Variants in PTPRM observed in about 807,000 individuals in gnomAD.
The protein encoded by PTPRM is protein tyrosine phosphatase receptor type M, also known as receptor-type tyrosine-protein phosphatase mu.
Under a neutral mutation model 186.7 loss-of-function variants are expected in PTPRM, and 47 were observed. The ratio of observed to expected loss-of-function variants is 0.25; its 90% CI spans 0.20 to 0.32. The LOEUF is 0.32. Among genes scored for constraint, PTPRM ranks in the 10% least tolerant of loss-of-function variants. The pLI, the probability that PTPRM is intolerant of heterozygous loss-of-function variation, is 1.00. For synonymous variants in PTPRM, 668 were observed against 674.9 expected, an observed-to-expected ratio of 0.99 and a Z score of 0.16; for missense variants, 1,494 against 1,865.0, an observed-to-expected ratio of 0.80 and a Z score of 3.66.
chr18:8,058,112 C>A (rs1014682081), intron 7 of PTPRM, among the ~76,000 whole-genome samples: 2,755 of 129,692 alleles, frequency 0.021, 150 homozygotes, highest in African/African-American at 0.082. Flanking sequence ...CTCTCCAGCA[C>A]CTGTTGTGTC....
intron 5 of PTPRM, among the ~76,000 whole-genome samples, chr18:7,943,854 C>G (rs2052352704): frequency 6.6e-6 from 1 of 152,144 alleles, no homozygotes; most frequent in Admixed American, 6.6e-5. Flanking sequence ...CATCTCTAGA[C>G]CCTTATTTTA....
chr18:7,655,670 C>T (rs756425619), intron 1 of PTPRM, among the ~76,000 whole-genome samples: 2 of 152,138 alleles, frequency 1.3e-5, no homozygotes, highest in Non-Finnish European at 2.9e-5. Context: ...ACTGGATAAA[C>T]TGGTACATTG....
At chr18:7,831,249 C>G (rs1027235123) in intron 2 of PTPRM, among the ~76,000 whole-genome samples, 9 of 152,068 alleles carry the variant, frequency 5.9e-5, no homozygotes, top group African/African-American at 1.4e-4. Flanking sequence ...TGAAATAAAT[C>G]TCTTGGGGAG....
chr18:7,933,821 T>A (rs777438784), intron 5 of PTPRM, among the ~76,000 whole-genome samples: 4 of 152,194 alleles, frequency 2.6e-5, no homozygotes, highest in Admixed American at 1.3e-4. Flanking sequence ...GAGCAATTCA[T>A]AGAATGTAGT....
Position 8,379,060 on chromosome 18 carries a change from C to T in PTPRM, c.3613-107C>T. On this transcript the variant is annotated intron_variant, in intron 27 of 32. Coordinates refer to ENST00000580170, the MANE Select transcript of PTPRM (RefSeq NM_001105244.2). Reference sequence around the variant, plus strand: ...GGGTTGGGGAGGGAGGGGGAAGGGACCGTCTTGCAGTCAGCCACAGGAAGT... The same window carrying T: ...GGGTTGGGGAGGGAGGGGGAAGGGATCGTCTTGCAGTCAGCCACAGGAAGT... 4.6e-6 allele frequency: 4 copies of T among 865,884 alleles called. 1 individual carries two copies. The Middle Eastern group carries it at 1.3e-3, about 280-fold the overall frequency. The allele number at this position is 865,884 out of a possible 1,614,324, so 53.6% of individuals were successfully genotyped here. A position where few individuals can be genotyped will look rare whatever the true frequency, so the allele number is the denominator to read the frequency against.
chr18:7,789,230 C>A (rs1000350991), intron 2 of PTPRM, among the ~76,000 whole-genome samples: 2 of 152,090 alleles, frequency 1.3e-5, no homozygotes, highest in African/African-American at 4.8e-5. Flanking sequence ...GAGGCTGAGG[C>A]AGGAGGATTG....
rs77991074 is a variant in PTPRM at position 7,821,321 on chromosome 18, C to T, written c.196+47050C>T. Among the ~76,000 whole-genome samples the T allele has an allele frequency of 2.9e-3, 435 of 152,258 alleles. 2 individuals carry two copies. The highest frequency in any genetic ancestry group is 1.0e-2 in the African/African-American group (414 of 41,544). ...CAGGGACAGTTGCTTTTCAGTCCCT[C>T]TCCAGTTAGAATCTAGAGAAATATC... On this transcript the variant is annotated intron_variant, in intron 2 of 32. Coordinates refer to ENST00000580170, the MANE Select transcript of PTPRM (RefSeq NM_001105244.2).
Position 7,848,131 on chromosome 18 carries a change from C to T in PTPRM, c.197-39975C>T, listed in dbSNP as rs567630175. ...CCTCCTTTTATCTGGGTTGGTCTCC[C>T]CCTTCACTGTCCTCCCCACCAGACT... is the stretch of plus-strand genomic sequence containing the variant. On this transcript the variant is annotated intron_variant, in intron 2 of 32. Coordinates refer to ENST00000580170, the MANE Select transcript of PTPRM (RefSeq NM_001105244.2). 3.3e-5 allele frequency among the ~76,000 whole-genome samples: 5 copies of T among 152,292 alleles called. No individual in the cohort carries two copies. In the East Asian group the frequency reaches 9.7e-4, roughly 29 times the overall value.
At chr18:7,845,442 A>G (rs2046545774) in intron 2 of PTPRM, among the ~76,000 whole-genome samples, 1 of 152,114 alleles carries the variant, frequency 6.6e-6, no homozygotes, top group Non-Finnish European at 1.5e-5. Context: ...GTGTAACCAT[A>G]CTAGTAATAA....
chr18:8,030,580 A>G (rs1018997208), intron 7 of PTPRM, among the ~76,000 whole-genome samples: 32 of 152,262 alleles, frequency 2.1e-4, no homozygotes, highest in Non-Finnish European at 1.0e-4. Context: ...TTTTAGTATA[A>G]TACATTTTGA....
chr18:8,289,386 CAT>C (rs2094996041), intron 19 of PTPRM, among the ~76,000 whole-genome samples: 1 of 140,374 alleles, frequency 7.1e-6, no homozygotes, highest in Non-Finnish European at 1.5e-5. Flanking sequence ...GGCATGAAAA[CAT>C]TGTGTGTGTG....
intron 1 of PTPRM, among the ~76,000 whole-genome samples, chr18:7,577,053 A>G (rs2143431532): frequency 6.6e-6 from 1 of 152,348 alleles, no homozygotes; most frequent in South Asian, 2.1e-4. Flanking sequence ...TGGAGAAGAA[A>G]AAAATCAAAT....
chr18:8,071,668 C>G (rs2089485235), intron 8 of PTPRM, among the ~76,000 whole-genome samples: 1 of 152,182 alleles, frequency 6.6e-6, no homozygotes. Flanking sequence ...TGTGCCTGCT[C>G]TGTGCATCCT....
At chr18:7,587,734 AT>A (rs1352650119) in intron 1 of PTPRM, among the ~76,000 whole-genome samples, 4 of 152,136 alleles carry the variant, frequency 2.6e-5, no homozygotes, top group Non-Finnish European at 4.4e-5. Context: ...ATATATTTAT[AT>A]AAATAAATAC....
At chr18:7,647,770 C>T (rs574800234) in intron 1 of PTPRM, among the ~76,000 whole-genome samples, 11 of 152,294 alleles carry the variant, frequency 7.2e-5, no homozygotes, top group East Asian at 3.9e-4. Flanking sequence ...CATTACAGTG[C>T]ATCAGAATCA....
At chr18:7,721,417 G>C (rs2040445551) in intron 1 of PTPRM, among the ~76,000 whole-genome samples, 1 of 151,540 alleles carries the variant, frequency 6.6e-6, no homozygotes, top group South Asian at 2.1e-4. Context: ...TCATTCTATG[G>C]GTTGCCTTTT....
chr18:8,222,466 T>C (rs2094164503), intron 14 of PTPRM, among the ~76,000 whole-genome samples: 1 of 152,146 alleles, frequency 6.6e-6, no homozygotes, highest in African/African-American at 2.4e-5. Context: ...GAAACCAAGA[T>C]TTTACAAAGT....
chr18:7,905,353 G>T (rs1034735324), intron 3 of PTPRM, among the ~76,000 whole-genome samples: 1 of 152,064 alleles, frequency 6.6e-6, no homozygotes. Flanking sequence ...AAAAAACTCC[G>T]CCATTCTTAG....
intron 17 of PTPRM, among the ~76,000 whole-genome samples, chr18:8,248,822 A>T (rs1601465797): frequency 6.6e-6 from 1 of 152,344 alleles, no homozygotes; most frequent in East Asian, 1.9e-4. Context: ...ATGCTTTATT[A>T]TGTGTCAGAT....
Sources: gnomAD v4.1 joint callset for allele counts (sites outside exome capture counted in the v4.1 genomes callset) on GRCh38, gnomAD v4.1.1 for gene constraint, MANE v1.5 for transcripts, NCBI Gene and HGNC (gene_info 2026-07-23, HGNC 2026-07-21) for gene names.